Variants in CPLX1 observed in about 807,000 individuals in gnomAD.
CPLX1 encodes the protein complexin 1.
CPLX1 carries 6 observed loss-of-function variants against 15.6 expected under a neutral mutation model. That is an observed-to-expected ratio of 0.39 (90% confidence interval 0.21 to 0.76). CPLX1 has a LOEUF of 0.76. CPLX1 is among the 30% of genes least tolerant of loss of function. The pLI, the probability that CPLX1 is intolerant of heterozygous loss-of-function variation, is 0.43. For missense variants in CPLX1, 242 were observed against 188.6 expected (o/e 1.28, Z -1.66); for synonymous variants, 91 against 75.2 (o/e 1.21, Z -1.08).
intron 3 of CPLX1, chr4:787,095 A>C (rs4690313): frequency 0.75 from 743,240 of 985,220 alleles, 281,703 homozygotes; most frequent in South Asian, 0.91. Context: ...GAAACAGTCA[A>C]CCCGCAGCTG....
intron 3 of CPLX1, among the ~76,000 whole-genome samples, chr4:791,739 G>A (rs1202385811): frequency 6.6e-6 from 1 of 152,192 alleles, no homozygotes; most frequent in Non-Finnish European, 1.5e-5. Flanking sequence ...CGGGGCCAGG[G>A]CACGGGGTGA....
At chr4:825,776 AGCCGGGGTCGGGGGG>A (rs1746969532) in intron 1 of CPLX1, among the ~76,000 whole-genome samples, 2 of 138,846 alleles carry the variant, frequency 1.4e-5, no homozygotes, top group Admixed American at 7.2e-5. Flanking sequence ...TGCGGGGAGA[AGCCGGGGTCGGGGGG>A]AGAAACGGGG....
rs1441569519 is a variant in CPLX1 at position 786,539 on chromosome 4, A to G, written c.367T>C (p.Tyr123His). The change falls in exon 4 of 4, where the codon TAC (tyrosine) becomes CAC (histidine). Residue 123 changes from tyrosine to histidine, a missense_variant. Coordinates refer to ENST00000304062, the MANE Select transcript of CPLX1 (RefSeq NM_006651.4). ...ATGTCCTGCAGCGGCCCGGGCAGGT[A>G]CTTGATGACGGTGTCCAGGATGCTC... ...DESILDTVIKYLPGPLQDMLK... is the reference protein window; with the variant it reads ...DESILDTVIKHLPGPLQDMLK... 3.3e-5 allele frequency: 53 copies of G among 1,605,732 alleles called. No individual in the cohort carries two copies. The highest frequency in any genetic ancestry group is 4.5e-5 in the Non-Finnish European group (53 of 1,176,356).
chr4:790,882 C>CTGTGCCTGTCTCTCCTCTCTT (rs1197506955), intron 3 of CPLX1, among the ~76,000 whole-genome samples: 1 of 151,940 alleles, frequency 6.6e-6, no homozygotes, highest in Non-Finnish European at 1.5e-5. Context: ...CTCCCTCTCT[C>CTGTGCCTGTCTCTCCTCTCTT]TGTGCCTGTC....
At chr4:815,738 AGCG>A (rs910898886) in intron 2 of CPLX1, among the ~76,000 whole-genome samples, 14 of 152,306 alleles carry the variant, frequency 9.2e-5, no homozygotes, top group Non-Finnish European at 1.9e-4. Flanking sequence ...CATAAATCTC[AGCG>A]GCACTTGGAG....
At chr4:821,453 T>C (rs1576999209) in intron 2 of CPLX1, among the ~76,000 whole-genome samples, 3 of 152,238 alleles carry the variant, frequency 2.0e-5, no homozygotes, top group Admixed American at 2.0e-4. Context: ...CCTGAGCGTG[T>C]TTAAACAGGG....
At chr4:825,056 A>T (rs1295438399) in intron 1 of CPLX1, among the ~76,000 whole-genome samples, 1 of 152,266 alleles carries the variant, frequency 6.6e-6, no homozygotes, top group Non-Finnish European at 1.5e-5. Flanking sequence ...GCTTCTGACC[A>T]GGGAGGCTTG....
chr4:804,774 G>A, intron 2 of CPLX1: 2 of 985,490 alleles, frequency 2.0e-6, no homozygotes, highest in African/African-American at 1.7e-5. Context: ...GGCTCGGGAA[G>A]TGCCTGCAGA....
At chr4:787,314 C>T in intron 3 of CPLX1, 11 of 985,394 alleles carry the variant, frequency 1.1e-5, no homozygotes, top group South Asian at 4.7e-5. Flanking sequence ...AGCCAGTATG[C>T]CTGGGCCTCA....
chr4:812,803 G>A (rs911567686), intron 2 of CPLX1, among the ~76,000 whole-genome samples: 3 of 152,036 alleles, frequency 2.0e-5, no homozygotes, highest in African/African-American at 7.2e-5. Flanking sequence ...AACGCCCGGT[G>A]TCCTAACGCT....
rs750640465 is a variant in CPLX1 at position 824,556 on chromosome 4, G to A, written c.-34C>T. 6.2e-7 allele frequency: 1 copy of A among 1,612,032 alleles called. No individual in the cohort carries two copies. Among genetic ancestry groups the A allele is most frequent in the Non-Finnish European group, 8.5e-7 (1 of 1,179,140 alleles). On this transcript the variant is annotated 5_prime_UTR_variant, in exon 2 of 4. Coordinates refer to ENST00000304062, the MANE Select transcript of CPLX1 (RefSeq NM_006651.4). ...CTCTGCTTCCACAGTGGCTCCTCCA[G>A]GGGTCAGAACTCACACGCAAGTATG...
At position 824,569 on chromosome 4, in the gene CPLX1, A is replaced by C; in HGVS notation, c.-47T>G. The stretch of plus-strand genomic sequence containing the variant: ...GTGGCTCCTCCAGGGGTCAGAACTC[A>C]CACGCAAGTATGGCCGGGAGCGAGT... On this transcript the variant is annotated 5_prime_UTR_variant, in exon 2 of 4. Coordinates refer to ENST00000304062, the MANE Select transcript of CPLX1 (RefSeq NM_006651.4). 2 of 1,603,954 alleles carry C rather than the reference A, an allele frequency of 1.2e-6. No homozygotes were observed. The highest frequency in any genetic ancestry group is 1.7e-4 in the Middle Eastern group (1 of 6,042).
At chr4:810,845 C>T (rs1005336169) in intron 2 of CPLX1, among the ~76,000 whole-genome samples, 11 of 151,640 alleles carry the variant, frequency 7.3e-5, no homozygotes, top group South Asian at 6.3e-4. Context: ...TACAGGTGCC[C>T]GCCACCACAC....
chr4:786,706 G>C lies in CPLX1; in HGVS notation c.208-8C>G. On this transcript the variant is annotated splice_polypyrimidine_tract_variant and splice_region_variant and intron_variant, in intron 3 of 3. Transcript: ENST00000304062. ...CTTCTTCTTGATGCCGTACTGCGGG[G>C]GAGGCGGGGGTCAGGGCGGGGGTCC... is the stretch of plus-strand genomic sequence containing the variant. 6.3e-7 allele frequency: 1 copy of C among 1,585,718 alleles called. No homozygotes were observed. The highest frequency in any genetic ancestry group is 8.6e-7 in the Non-Finnish European group (1 of 1,164,302).
At chr4:789,535 G>C (rs1746104868) in intron 3 of CPLX1, among the ~76,000 whole-genome samples, 1 of 152,200 alleles carries the variant, frequency 6.6e-6, no homozygotes, top group South Asian at 2.1e-4. Context: ...AATGTATTGA[G>C]GGAGCCTAGT....
chr4:795,717 C>T (rs1204052675), intron 2 of CPLX1, among the ~76,000 whole-genome samples: 2 of 150,542 alleles, frequency 1.3e-5, no homozygotes, highest in East Asian at 1.9e-4. Context: ...GCGGCACAGG[C>T]GGATAAACCC....
At chr4:797,000 C>T (rs370225239) in intron 2 of CPLX1, among the ~76,000 whole-genome samples, 1 of 152,190 alleles carries the variant, frequency 6.6e-6, no homozygotes, top group East Asian at 1.9e-4. Flanking sequence ...GGTGGAGGCT[C>T]AGGACCCTGG....
chr4:793,158 G>A (rs1193917480), intron 2 of CPLX1, among the ~76,000 whole-genome samples: 1 of 152,202 alleles, frequency 6.6e-6, no homozygotes, highest in Admixed American at 6.5e-5. Context: ...TCCAGCAGAG[G>A]CCTGGCCTCC....
chr4:806,159 A>G (rs1389968434), intron 2 of CPLX1, among the ~76,000 whole-genome samples: 2 of 152,246 alleles, frequency 1.3e-5, no homozygotes, highest in Non-Finnish European at 2.9e-5. Context: ...ACTATACTAC[A>G]AGACTACAGT....
Sources: gnomAD v4.1 joint callset for allele counts (sites outside exome capture counted in the v4.1 genomes callset) on GRCh38, gnomAD v4.1.1 for gene constraint, MANE v1.5 for transcripts, NCBI Gene and HGNC (gene_info 2026-07-23, HGNC 2026-07-21) for gene names.